LIMCH1: variants seen among roughly 807,000 people sequenced by gnomAD.
LIMCH1 encodes LIM and calponin homology domains-containing protein 1.
Under a neutral mutation model 176.5 loss-of-function variants are expected in LIMCH1, and 113 were observed. The observed-to-expected ratio is 0.64, with a 90% CI of 0.55 to 0.75. The LOEUF is 0.75. LIMCH1 is among the 30% of genes least tolerant of loss of function. The pLI, the probability that LIMCH1 is intolerant of heterozygous loss-of-function variation, is 0.00. For synonymous variants in LIMCH1, 619 were observed against 645.9 expected, an observed-to-expected ratio of 0.96 and a Z score of 0.63; for missense variants, 1,674 against 1,814.9, an observed-to-expected ratio of 0.92 and a Z score of 1.41.
intron 28 of LIMCH1, among the ~76,000 whole-genome samples, 195 bp from the exon 29 acceptor site, chr4:41,687,645 T>C (rs1029972491): frequency 1.3e-5 from 2 of 152,138 alleles, no homozygotes; most frequent in Non-Finnish European, 2.9e-5. Flanking sequence ...CTAATACATG[T>C]ACAATTCTTG....
In LIMCH1 at chr4:41,623,239, C is replaced by A. The variant is rs145807869; in HGVS notation, c.725+2549C>A. On this transcript the variant is annotated intron_variant, in intron 7 of 31. Coordinates refer to ENST00000503057, the MANE Select transcript of LIMCH1 (RefSeq NM_001330672.2). ...TGAAATACGCTGATATCTCTCGAGGCATTTTAACCTCAGTGTTCTGTCTTT... is the reference window on the plus strand; with the variant it reads ...TGAAATACGCTGATATCTCTCGAGGAATTTTAACCTCAGTGTTCTGTCTTT... Among the ~76,000 whole-genome samples, 346 of 152,314 alleles carry A rather than the reference C, an allele frequency of 2.3e-3. 2 individuals carry two copies. The highest frequency in any genetic ancestry group is 7.5e-3 in the African/African-American group (310 of 41,578).
chr4:41,611,371 A>G (rs1252370645), intron 4 of LIMCH1, among the ~76,000 whole-genome samples: 1 of 152,242 alleles, frequency 6.6e-6, no homozygotes, highest in African/African-American at 2.4e-5. Flanking sequence ...ATTCAGCAAC[A>G]CATAACTATA....
At chr4:41,585,020 TA>T (rs2086193583) in intron 1 of LIMCH1, among the ~76,000 whole-genome samples, 1 of 152,176 alleles carries the variant, frequency 6.6e-6, no homozygotes, top group African/African-American at 2.4e-5. Context: ...GGGTCTCTTT[TA>T]AAAGGGCACT....
intron 1 of LIMCH1, among the ~76,000 whole-genome samples, chr4:41,585,286 A>T: frequency 6.6e-6 from 1 of 152,192 alleles, no homozygotes; most frequent in Non-Finnish European, 1.5e-5. Context: ...CTCATGTATA[A>T]GTGGAATCCT....
intron 26 of LIMCH1, among the ~76,000 whole-genome samples, chr4:41,682,720 A>T (rs542011408): frequency 8.4e-4 from 117 of 139,020 alleles, no homozygotes; most frequent in African/African-American, 3.1e-3. Context: ...ACTCTATCTC[A>T]GGCTGGAGTG....
intron 1 of LIMCH1, among the ~76,000 whole-genome samples, chr4:41,581,184 A>T (rs977573640): frequency 3.3e-5 from 5 of 151,850 alleles, no homozygotes; most frequent in African/African-American, 1.2e-4. Context: ...TTATTGAGGG[A>T]TAGTTGTCAA....
intron 2 of LIMCH1, among the ~76,000 whole-genome samples, chr4:41,506,889 TAC>T (rs2074241689): frequency 6.6e-6 from 1 of 152,314 alleles, no homozygotes; most frequent in South Asian, 2.1e-4. Flanking sequence ...TAATACAGAC[TAC>T]ACAGGTTAAG....
At position 41,692,166 on chromosome 4, in the gene LIMCH1, C is replaced by T. The variant is rs112088482; in HGVS notation, c.4276-116C>T. The T allele has an allele frequency of 2.6e-5, 18 of 688,268 alleles. 1 individual carries two copies. The highest frequency in any genetic ancestry group is 2.1e-4 in the African/African-American group (12 of 56,948). The allele number at this position is 688,268 out of a possible 1,614,324, so 42.6% of individuals were successfully genotyped here. ...AGCATCTTACACATAATAGATGCTC[C>T]ACAAATGTGGTGATTGTAGAAGGGA... On this transcript the variant is annotated intron_variant, in intron 30 of 31. Transcript: ENST00000503057.
intron 4 of LIMCH1, among the ~76,000 whole-genome samples, chr4:41,609,120 AG>A (rs1398684470): frequency 2.0e-5 from 3 of 152,084 alleles, no homozygotes; most frequent in Non-Finnish European, 4.4e-5. Context: ...CTCCTGTTTC[AG>A]GGGGTGAGGG....
intron 1 of LIMCH1, among the ~76,000 whole-genome samples, chr4:41,382,188 G>A (rs1196489568): frequency 3.3e-5 from 5 of 152,196 alleles, no homozygotes; most frequent in Admixed American, 2.6e-4. Context: ...AGCTAATACA[G>A]TGATCAAAAA....
At chr4:41,602,297 G>A (rs1490063072) in intron 2 of LIMCH1, among the ~76,000 whole-genome samples, 1 of 152,082 alleles carries the variant, frequency 6.6e-6, no homozygotes. Context: ...GCAACTGGAC[G>A]AAATGTACGC....
chr4:41,486,977 T>TA (rs2069696062), intron 1 of LIMCH1, among the ~76,000 whole-genome samples: 3 of 138,404 alleles, frequency 2.2e-5, no homozygotes, highest in Admixed American at 7.1e-5. Flanking sequence ...CACACATACA[T>TA]ACACACACAC....
intron 1 of LIMCH1, among the ~76,000 whole-genome samples, chr4:41,460,199 CTATT>C (rs912360834): frequency 1.3e-5 from 2 of 151,992 alleles, no homozygotes; most frequent in African/African-American, 2.4e-5. Context: ...TCAGGTGTGA[CTATT>C]TAACTTTAAA....
rs1235454064 is a variant in LIMCH1 at position 41,661,857 on chromosome 4, G to A, written c.3127+347G>A. ...CACAGTAACAGCAATAGATAAGCGA[G>A]AGGTCAAAAACATAAAAATAGACGC... On this transcript the variant is annotated intron_variant, in intron 19 of 31. Transcript: ENST00000503057. 4 of 381,244 alleles carry A rather than the reference G, an allele frequency of 1.0e-5. No individual in the cohort carries two copies. In the East Asian group the frequency reaches 2.1e-4, roughly 20 times the overall value. 23.6% of individuals were successfully genotyped at this position (381,244 alleles called of 1,614,324 possible). A position where few individuals can be genotyped will look rare whatever the true frequency, so the allele number is the denominator to read the frequency against.
chr4:41,445,020 C>CTT lies in LIMCH1; in HGVS notation c.97-49498_97-49497dup, dbSNP rs11414585. On this transcript the variant is annotated intron_variant, in intron 1 of 26. Transcript: ENST00000313860. ...GAATATTCAACAACATTTTCCCATT[C>CTT]TTTTTTTTTTTTTTTTTTTGAGACA... Among the ~76,000 whole-genome samples, 236 of 128,500 alleles carry CTT rather than the reference C, an allele frequency of 1.8e-3. 4 individuals are homozygous for CTT. Among genetic ancestry groups the CTT allele is most frequent in the Middle Eastern group, 8.1e-3 (2 of 248 alleles). 84.3% of individuals were successfully genotyped at this position (128,500 alleles called of 152,430 possible).
At chr4:41,588,280 G>A (rs1301157327) in intron 1 of LIMCH1, among the ~76,000 whole-genome samples, 2 of 152,188 alleles carry the variant, frequency 1.3e-5, no homozygotes, top group African/African-American at 2.4e-5. Flanking sequence ...TGGGTGAAGT[G>A]AGGGGATTTA....
intron 1 of LIMCH1, among the ~76,000 whole-genome samples, chr4:41,590,195 C>T (rs1387850491): frequency 1.3e-5 from 2 of 152,012 alleles, no homozygotes; most frequent in African/African-American, 4.8e-5. Flanking sequence ...CAGGTTCAAG[C>T]CATCCTCCCA....
intron 1 of LIMCH1, among the ~76,000 whole-genome samples, chr4:41,381,298 G>GT (rs1458869928): frequency 4.9e-4 from 74 of 152,312 alleles, no homozygotes; most frequent in African/African-American, 1.7e-3. Context: ...AGCAGACCCA[G>GT]TGACAGTAGT....
chr4:41,414,784 G>A (rs1432328890), intron 1 of LIMCH1, among the ~76,000 whole-genome samples: 1 of 151,996 alleles, frequency 6.6e-6, no homozygotes, highest in Non-Finnish European at 1.5e-5. Flanking sequence ...CTTACAAGTG[G>A]GTCTCAATAT....
Sources: allele counts gnomAD v4.1 joint callset (sites outside exome capture counted in the v4.1 genomes callset), GRCh38; gene constraint gnomAD v4.1.1; transcripts MANE v1.5; gene names NCBI Gene and HGNC (gene_info 2026-07-23, HGNC 2026-07-21).